The following RAB37 variants were observed in gnomAD, a reference collection of about 807,000 sequenced individuals.
RAB37 encodes the protein ras-related protein Rab-37.
Under a neutral mutation model 33.1 loss-of-function variants are expected in RAB37, and 29 were observed. The observed-to-expected ratio is 0.88, with a 90% CI of 0.65 to 1.20. RAB37 has a LOEUF of 1.20. Among genes scored for constraint, RAB37 ranks in the 50% most tolerant of loss-of-function variants. The pLI is 0.00. For synonymous variants in RAB37, 128 were observed against 119.5 expected, an observed-to-expected ratio of 1.07 and a Z score of -0.47; for missense variants, 299 against 301.1, an observed-to-expected ratio of 0.99 and a Z score of 0.05.
chr17:74,743,870 A>G (rs937765384), intron 5 of RAB37, among the ~76,000 whole-genome samples: 1 of 152,186 alleles, frequency 6.6e-6, no homozygotes, highest in Admixed American at 6.5e-5. Flanking sequence ...CTAGGAGAAT[A>G]AAACGTTTAT....
intron 1 of RAB37, among the ~76,000 whole-genome samples, chr17:74,697,189 C>T (rs2032569202): frequency 6.6e-6 from 1 of 152,142 alleles, no homozygotes; most frequent in African/African-American, 2.4e-5. Flanking sequence ...AGTGATCCAC[C>T]CGCCTCAACC....
chr17:74,731,779 G>A (rs148589712), intron 2 of RAB37, among the ~76,000 whole-genome samples: 3,436 of 151,988 alleles, frequency 0.023, 78 homozygotes, highest in Middle Eastern at 0.068. Flanking sequence ...AGGCCGAGGC[G>A]GGCGGATCAC....
Position 74,671,285 on chromosome 17 carries a change from C to A in RAB37, c.-302C>A. ...CCAAATCTTGCGTCCCTGCCAGCAT[C>A]CTGGAGTCCTAAGAGGCAGGGATTG... On this transcript the variant is annotated 5_prime_UTR_variant, in exon 1 of 8. Coordinates refer to the RAB37 transcript ENST00000340415. The surrounding 1 kb of genome is among the most constrained non-coding windows in gnomAD (Gnocchi z 5.0). The A allele has an allele frequency of 2.6e-6, 1 of 377,638 alleles. No individual in the cohort carries two copies. Among genetic ancestry groups the A allele is most frequent in the Non-Finnish European group, 4.9e-6 (1 of 205,764 alleles). 23.4% of individuals were successfully genotyped at this position (377,638 alleles called of 1,614,324 possible).
intron 1 of RAB37, among the ~76,000 whole-genome samples, chr17:74,723,889 A>C (rs549947359): frequency 6.6e-6 from 1 of 152,190 alleles, no homozygotes; most frequent in African/African-American, 2.4e-5. Flanking sequence ...ATTTTCATAA[A>C]TGCGAAGAGA....
At chr17:74,737,204 C>CGGGGG, upstream of RAB37, 2 of 330,734 alleles carry the variant, frequency 6.0e-6, no homozygotes, top group Admixed American at 4.5e-5. Context: ...GTGGGCGGGG[C>CGGGGG]GGGGGTGGGG....
intron 2 of RAB37, among the ~76,000 whole-genome samples, chr17:74,741,189 G>A (rs911692335): frequency 6.6e-6 from 1 of 152,140 alleles, no homozygotes; most frequent in African/African-American, 2.4e-5. Context: ...TTGGCCCACA[G>A]AGCCCCTGCT....
chr17:74,693,090 A>T (rs2032195579), intron 1 of RAB37, among the ~76,000 whole-genome samples: 1 of 152,210 alleles, frequency 6.6e-6, no homozygotes. Context: ...GACAGAGAGA[A>T]ATTGGAGGTG....
In RAB37 at chr17:74,711,099, T is replaced by C. The variant is rs561705474; in HGVS notation, c.73-18157T>C. Among the ~76,000 whole-genome samples, 102 of 152,266 alleles carry C rather than the reference T, an allele frequency of 6.7e-4. 2 individuals carry two copies. In the South Asian group the frequency reaches 0.018, roughly 27 times the overall value. On this transcript the variant is annotated intron_variant, in intron 1 of 7. Coordinates refer to the RAB37 transcript ENST00000340415. The stretch of plus-strand genomic sequence containing the variant: ...CAAACTTCCGGATGGGTATTTTTTT[T>C]CTTGGGTGTTTTAAAACGATAAATT...
intron 1 of RAB37, among the ~76,000 whole-genome samples, chr17:74,716,987 T>C (rs1037458890): frequency 1.3e-5 from 2 of 152,068 alleles, no homozygotes; most frequent in East Asian, 1.9e-4. Context: ...TACAAAAAAT[T>C]AGCTTGGCAT....
chr17:74,673,972 G>A (rs2031764996), intron 1 of RAB37, among the ~76,000 whole-genome samples: 1 of 152,130 alleles, frequency 6.6e-6, no homozygotes, highest in Non-Finnish European at 1.5e-5. Context: ...CAACTTATTT[G>A]TATTATATTA....
At chr17:74,733,048 A>G (rs1211483017), upstream of RAB37, among the ~76,000 whole-genome samples, 1 of 152,050 alleles carries the variant, frequency 6.6e-6, no homozygotes, top group Admixed American at 6.6e-5. Context: ...TGATATACAC[A>G]TTTGGTGATG....
Position 74,744,202 on chromosome 17 carries a change from G to A in RAB37, c.367-106G>A. 1 of 1,079,450 alleles carries A rather than the reference G, an allele frequency of 9.3e-7. No homozygotes were observed. Among genetic ancestry groups the A allele is most frequent in the Non-Finnish European group, 1.4e-6 (1 of 729,922 alleles). 66.9% of individuals were successfully genotyped at this position (1,079,450 alleles called of 1,614,324 possible). A position where few individuals can be genotyped will look rare whatever the true frequency, so the allele number is the denominator to read the frequency against. On this transcript the variant is annotated intron_variant, in intron 5 of 8. Coordinates refer to ENST00000392613, the MANE Select transcript of RAB37 (RefSeq NM_001006638.3). This position sits in a 1 kb window ranked among gnomAD's most constrained non-coding sequence, Gnocchi z 4.2. ...AGGTACAGATGAGAGAACGCACAGG[G>A]TATCGTGTTCAAGGTAGTGAGTAAC...
intron 1 of RAB37, among the ~76,000 whole-genome samples, chr17:74,686,984 A>G (rs917496778): frequency 2.0e-5 from 3 of 152,184 alleles, no homozygotes; most frequent in African/African-American, 7.2e-5. Flanking sequence ...TCATTGATAG[A>G]GGGCAGCATT....
chr17:74,695,868 G>A (rs1295191178), intron 1 of RAB37: 1 of 1,611,722 alleles, frequency 6.2e-7, no homozygotes, highest in South Asian at 1.1e-5. Context: ...ACCTGGGACA[G>A]GGAACACAGG....
At chr17:74,677,486 T>C (rs1182531281) in intron 1 of RAB37, 1 of 152,206 alleles carries the variant, frequency 6.6e-6, no homozygotes, top group African/African-American at 2.4e-5. Context: ...ATCCATGCCC[T>C]GTAAGTGAAG....
intron 1 of RAB37, among the ~76,000 whole-genome samples, chr17:74,701,376 A>G (rs2033036567): frequency 6.6e-6 from 1 of 152,214 alleles, no homozygotes; most frequent in Non-Finnish European, 1.5e-5. Context: ...CTCAAGAGTT[A>G]TGTGTTAAAT....
chr17:74,680,559 A>G (rs557188948), intron 1 of RAB37, among the ~76,000 whole-genome samples: 31 of 152,312 alleles, frequency 2.0e-4, no homozygotes, highest in African/African-American at 6.3e-4. Context: ...AGCTGGCTAC[A>G]CTATAGGCAC....
intron 2 of RAB37, among the ~76,000 whole-genome samples, chr17:74,731,290 T>C (rs763418881): frequency 1.3e-5 from 2 of 152,146 alleles, no homozygotes; most frequent in Admixed American, 6.5e-5. Context: ...AACTCCTGCA[T>C]GATGGGAAGG....
Position 74,744,788 on chromosome 17 carries a change from C to G in RAB37, c.433-85C>G. 2 of 1,516,904 alleles carry G rather than the reference C, an allele frequency of 1.3e-6. No homozygotes were observed. The highest frequency in any genetic ancestry group is 9.2e-7 in the Non-Finnish European group (1 of 1,092,032). The allele number at this position is 1,516,904 out of a possible 1,614,324, so 94.0% of individuals were successfully genotyped here. On this transcript the variant is annotated intron_variant, in intron 6 of 8. Transcript: ENST00000392613. This position sits in a 1 kb window ranked among gnomAD's most constrained non-coding sequence, Gnocchi z 4.2. ...AGTCCCTTGGGCCACCAGCAGAGGG[C>G]AGGCAACGCCTGCTTCTGGGGCAAA...
Sources: gnomAD v4.1 joint callset for allele counts (sites outside exome capture counted in the v4.1 genomes callset) on GRCh38, gnomAD v4.1.1 for gene constraint, Gnocchi (gnomAD v3.1) non-coding constraint, MANE v1.5 for transcripts, NCBI Gene and HGNC (gene_info 2026-07-23, HGNC 2026-07-21) for gene names.